Variants in SAFB observed in about 807,000 individuals in gnomAD.
SAFB encodes scaffold attachment factor B1.
A neutral mutation model predicts 101.6 loss-of-function variants in SAFB; 15 were observed. The ratio of observed to expected loss-of-function variants is 0.15; its 90% CI spans 0.10 to 0.23. SAFB has a LOEUF of 0.23. SAFB is among the 10% of genes least tolerant of loss of function. SAFB has a pLI of 1.00. For synonymous variants in SAFB, 449 were observed against 407.5 expected, an observed-to-expected ratio of 1.10 and a Z score of -1.23; for missense variants, 930 against 1,104.1, an observed-to-expected ratio of 0.84 and a Z score of 2.23.
chr19:5,663,893 C>T (rs2054270719), intron 15 of SAFB, 129 bp from the exon 16 acceptor site: 2 of 1,020,486 alleles, frequency 2.0e-6, no homozygotes, highest in Admixed American at 2.3e-5. Flanking sequence ...ACCTTGCCTC[C>T]TATAGGAGAG....
At chr19:5,650,422 C>CT (rs1307201583) in intron 8 of SAFB, among the ~76,000 whole-genome samples, 2 of 152,014 alleles carry the variant, frequency 1.3e-5, no homozygotes, top group African/African-American at 2.4e-5. Context: ...CGATCGCTAA[C>CT]TTTTTTTGAG....
At chr19:5,646,090 CACTT>C (rs1885536829) in intron 5 of SAFB, among the ~76,000 whole-genome samples, 1 of 152,028 alleles carries the variant, frequency 6.6e-6, no homozygotes, top group Non-Finnish European at 1.5e-5. Context: ...TGTTAGAACA[CACTT>C]ACCTAGGTAG....
intron 2 of SAFB, among the ~76,000 whole-genome samples, chr19:5,639,907 G>A (rs950577340): frequency 7.2e-5 from 11 of 151,748 alleles, no homozygotes; most frequent in Non-Finnish European, 5.9e-5. Flanking sequence ...GCAGGATCTC[G>A]GCTCACCGCA....
intron 1 of SAFB, among the ~76,000 whole-genome samples, chr19:5,625,297 G>A (rs1337568124): frequency 6.6e-6 from 1 of 152,192 alleles, no homozygotes; most frequent in Non-Finnish European, 1.5e-5. Context: ...CTCTTCTCCT[G>A]GTGGTGTTTC....
chr19:5,651,159 C>A (rs928503779), intron 9 of SAFB, 87 bp downstream of exon 9: 5 of 788,628 alleles, frequency 6.3e-6, no homozygotes, highest in African/African-American at 5.2e-5. Context: ...TCAGTGAGTT[C>A]TTTGAGAGAT....
intron 2 of SAFB, among the ~76,000 whole-genome samples, chr19:5,640,517 G>A (rs2145426197): frequency 6.6e-6 from 1 of 151,892 alleles, no homozygotes; most frequent in Admixed American, 6.6e-5. Flanking sequence ...AAGTGCACGA[G>A]ATTGGCACTT....
Position 5,649,056 on chromosome 19 carries a change from C to T in SAFB, c.705C>T (p.Ser235=), listed in dbSNP as rs1316769936. ...CTGAGCCAGTAAAAGAAGAAAGTTC[C>T]GAGCTGGAGCAGCCATTTGCACAGG... is the stretch of plus-strand genomic sequence containing the variant. ...CKSEPVKEES[S]ELEQPFAQDT... The change falls in exon 7 of 21, where the codon TCC becomes TCT. Residue 235 remains serine, a synonymous_variant. Transcript: ENST00000588852. 3 of 488,550 alleles carry T rather than the reference C, an allele frequency of 6.1e-6. No individual in the cohort carries two copies. Among genetic ancestry groups the T allele is most frequent in the Non-Finnish European group, 7.0e-6 (2 of 286,064 alleles). The allele number at this position is 488,550 out of a possible 1,614,324, so 30.3% of individuals were successfully genotyped here.
chr19:5,631,255 C>G (rs1295888157), intron 2 of SAFB, among the ~76,000 whole-genome samples: 1 of 152,178 alleles, frequency 6.6e-6, no homozygotes, highest in African/African-American at 2.4e-5. Context: ...TGCGTCTCCC[C>G]TCCCAGCCCC....
intron 2 of SAFB, among the ~76,000 whole-genome samples, chr19:5,632,489 C>T (rs935904228): frequency 1.3e-4 from 20 of 152,164 alleles, no homozygotes; most frequent in African/African-American, 4.3e-4. Context: ...ATACTGCCAC[C>T]TCGTCTTAGT....
chr19:5,659,999 A>C (rs893862628), intron 14 of SAFB, among the ~76,000 whole-genome samples: 1 of 152,226 alleles, frequency 6.6e-6, no homozygotes, highest in Non-Finnish European at 1.5e-5. Flanking sequence ...TGAGATCCAC[A>C]GAGGCAGGTG....
rs1374922181 is a variant in SAFB, at chr19:5,661,798, G to A, written c.2143G>A (p.Asp715Asn). Residue 715 changes from aspartate to asparagine, a missense_variant, in exon 15 of 21, where the codon GAC (aspartate) becomes AAC (asparagine). Around this residue, in one of 7 missense-constraint regions of SAFB, gnomAD observed 318 missense variants for 342.6 expected, o/e 0.93. Coordinates refer to ENST00000588852, the MANE Select transcript of SAFB (RefSeq NM_001201338.2). ...ERRPAVRRPY[D>N]LDRRDDAYWP... ...GCGGCCCGCGGTGCGGCGGCCCTAC[G>A]ACCTGGACCGGTAAGCAGATCCATG... 3.9e-6 allele frequency: 6 copies of A among 1,545,580 alleles called. No homozygotes were observed. Among genetic ancestry groups the A allele is most frequent in the South Asian group, 2.4e-5 (2 of 83,660 alleles).
intron 9 of SAFB, among the ~76,000 whole-genome samples, chr19:5,651,953 T>C (rs1210770857): frequency 6.6e-6 from 1 of 152,178 alleles, no homozygotes; most frequent in Non-Finnish European, 1.5e-5. Flanking sequence ...TCCAGCACTT[T>C]GGGAGGCCGA....
chr19:5,661,908 G>T (rs1385175373), intron 15 of SAFB, 100 bp downstream of exon 15: 165 of 870,660 alleles, frequency 1.9e-4, no homozygotes, highest in African/African-American at 1.7e-3. Flanking sequence ...TTTTTGAGAC[G>T]GAGTCTTGCT....
intron 2 of SAFB, among the ~76,000 whole-genome samples, chr19:5,629,175 A>T (rs975811061): frequency 3.9e-5 from 6 of 152,228 alleles, no homozygotes; most frequent in Non-Finnish European, 7.3e-5. Flanking sequence ...AGTTAGGCAT[A>T]CTTCTCCAGA....
At chr19:5,655,148 C>T (rs1413111898) in intron 13 of SAFB, among the ~76,000 whole-genome samples, 1 of 152,064 alleles carries the variant, frequency 6.6e-6, no homozygotes, top group African/African-American at 2.4e-5. Flanking sequence ...CCTTCCTGTA[C>T]TCTTATCTTC....
intron 1 of SAFB, among the ~76,000 whole-genome samples, chr19:5,624,464 A>G (rs974075320): frequency 6.6e-6 from 1 of 152,010 alleles, no homozygotes; most frequent in African/African-American, 2.4e-5. Context: ...CAGAGAGGCA[A>G]GTAAAGGTTA....
At chr19:5,625,805 G>A (rs186327779) in intron 1 of SAFB, among the ~76,000 whole-genome samples, 17 of 152,296 alleles carry the variant, frequency 1.1e-4, no homozygotes, top group Admixed American at 1.1e-3. Context: ...TGAGGTACTG[G>A]AGTCGGTTGT....
At chr19:5,651,841 A>C (rs1489703961) in intron 9 of SAFB, among the ~76,000 whole-genome samples, 1 of 152,208 alleles carries the variant, frequency 6.6e-6, no homozygotes, top group Non-Finnish European at 1.5e-5. Context: ...GTGAGGGTTC[A>C]ACACATTGCA....
intron 8 of SAFB, 51 bp downstream of exon 8, chr19:5,650,026 G>C (rs1443913924): frequency 2.1e-6 from 3 of 1,428,098 alleles, no homozygotes; most frequent in Non-Finnish European, 3.0e-6. Context: ...GGCCTGGGCA[G>C]TGGCGGGTAT....
Sources: gnomAD v4.1 joint callset for allele counts (sites outside exome capture counted in the v4.1 genomes callset) on GRCh38, gnomAD v4.1.1 for gene constraint, gnomAD v4.1.1 regional missense constraint, MANE v1.5 for transcripts, NCBI Gene and HGNC (gene_info 2026-07-23, HGNC 2026-07-21) for gene names.